The following CSNK1A1 variants were observed in gnomAD, a reference collection of about 807,000 sequenced individuals.
The protein encoded by CSNK1A1 is casein kinase I isoform alpha.
A neutral mutation model predicts 46.1 loss-of-function variants in CSNK1A1; 7 were observed. The ratio of observed to expected loss-of-function variants is 0.15; its 90% CI spans 0.09 to 0.29. The LOEUF is 0.29. Ranked by LOEUF, CSNK1A1 falls within the 10% of genes least tolerant of loss-of-function variation. CSNK1A1 has a pLI of 1.00. For synonymous variants in CSNK1A1, 137 were observed against 141.5 expected, an observed-to-expected ratio of 0.97 and a Z score of 0.23; for missense variants, 96 against 417.1, an observed-to-expected ratio of 0.23 and a Z score of 6.71.
intron 5 of CSNK1A1, among the ~76,000 whole-genome samples, chr5:149,512,819 T>C (rs1044140764): frequency 1.3e-5 from 2 of 152,198 alleles, no homozygotes; most frequent in African/African-American, 4.8e-5. Flanking sequence ...ATTGCACTTA[T>C]GCTTCTAACT....
intron 2 of CSNK1A1, chr5:149,549,184 G>A: frequency 2.7e-6 from 1 of 371,948 alleles, no homozygotes; most frequent in Non-Finnish European, 5.0e-6. Flanking sequence ...ACTTATCAAA[G>A]TGTGGCTAAG....
chr5:149,510,312 G>A (rs1469054301), intron 6 of CSNK1A1, among the ~76,000 whole-genome samples: 1 of 152,092 alleles, frequency 6.6e-6, no homozygotes, highest in Admixed American at 6.5e-5. Flanking sequence ...AGGCTGGAGT[G>A]CAGTAGCCAT....
chr5:149,540,368 G>T (rs1762190895), intron 2 of CSNK1A1, among the ~76,000 whole-genome samples: 1 of 151,930 alleles, frequency 6.6e-6, no homozygotes, highest in African/African-American at 2.4e-5. Context: ...CCCATTAAAG[G>T]GCCATAACAT....
chr5:149,546,330 C>A (rs1357794383), intron 2 of CSNK1A1, among the ~76,000 whole-genome samples: 1 of 151,732 alleles, frequency 6.6e-6, no homozygotes, highest in Non-Finnish European at 1.5e-5. Flanking sequence ...TAAGATATAC[C>A]AAAGTATCTT....
chr5:149,541,683 C>T (rs763162410), intron 2 of CSNK1A1, among the ~76,000 whole-genome samples: 42 of 151,816 alleles, frequency 2.8e-4, no homozygotes, highest in Non-Finnish European at 5.6e-4. Context: ...TACTTTAAAA[C>T]AAAATGATCT....
At chr5:149,545,556 G>A (rs1762451932) in intron 2 of CSNK1A1, 2 of 690,436 alleles carry the variant, frequency 2.9e-6, no homozygotes, top group South Asian at 1.5e-5. Context: ...GGACAATGTA[G>A]GCAAGTCAAT....
chr5:149,528,198 AT>A (rs760674914), intron 2 of CSNK1A1, among the ~76,000 whole-genome samples: 10 of 152,296 alleles, frequency 6.6e-5, no homozygotes, highest in Non-Finnish European at 1.5e-4. Context: ...CCTTGCTTAA[AT>A]TTATGAACAC....
intron 2 of CSNK1A1, chr5:149,549,318 T>C (rs1054011565): frequency 1.7e-6 from 1 of 599,922 alleles, no homozygotes; most frequent in Non-Finnish European, 3.1e-6. Flanking sequence ...AATATGACCA[T>C]TCACGAAAAG....
At position 149,496,878 on chromosome 5, in the gene CSNK1A1, CA is replaced by C. The variant is rs756936113; in HGVS notation, c.1007-19del. On this transcript the variant is annotated intron_variant, in intron 9 of 9. Coordinates refer to ENST00000377843, the MANE Select transcript of CSNK1A1 (RefSeq NM_001892.6). Reference sequence around the variant, plus strand: ...TTAGAAACCTGGTAAAAAATCAAAACAAAAAAAAAGTTAAAATTCCAAGTCA... The same window carrying C: ...TTAGAAACCTGGTAAAAAATCAAAACAAAAAAAAGTTAAAATTCCAAGTCA... 1.9e-4 allele frequency: 297 copies of C among 1,524,864 alleles called. No individual in the cohort carries two copies. The highest frequency in any genetic ancestry group is 4.5e-4 in the Admixed American group (21 of 46,678). 94.5% of individuals were successfully genotyped at this position (1,524,864 alleles called of 1,614,324 possible).
Position 149,496,579 on chromosome 5 carries a change from GTTAAC to G in CSNK1A1, c.*269_*273del. 2.4e-6 allele frequency: 1 copy of G among 418,182 alleles called. No homozygotes were observed. Among genetic ancestry groups the G allele is most frequent in the South Asian group, 7.1e-5 (1 of 14,116 alleles). 25.9% of individuals were successfully genotyped at this position (418,182 alleles called of 1,614,324 possible). On this transcript the variant is annotated 3_prime_UTR_variant, in exon 10 of 10. Coordinates refer to ENST00000377843, the MANE Select transcript of CSNK1A1 (RefSeq NM_001892.6). ...CCAATTTTTGTGTGTCAACCATTTA[GTTAAC>G]TTTTCCACTTGAAAAAATGCAATAG...
chr5:149,517,589 A>G lies in CSNK1A1; in HGVS notation c.456+2701T>C, dbSNP rs368251857. Among the ~76,000 whole-genome samples, 82 of 152,352 alleles carry G rather than the reference A, an allele frequency of 5.4e-4. 1 individual carries two copies. The highest frequency in any genetic ancestry group is 1.8e-3 in the African/African-American group (73 of 41,582). ...TTCATTTAGCTTTTTTCTAAACTTT[A>G]TAAGTTTTAAGCAAAAGCCACAAAG... On this transcript the variant is annotated intron_variant, in intron 4 of 9. Coordinates refer to ENST00000377843, the MANE Select transcript of CSNK1A1 (RefSeq NM_001892.6). The surrounding 1 kb of genome is among the most constrained non-coding windows in gnomAD (Gnocchi z 4.4).
intron 6 of CSNK1A1, among the ~76,000 whole-genome samples, chr5:149,511,064 A>G (rs956454518): frequency 5.3e-5 from 8 of 152,156 alleles, no homozygotes; most frequent in African/African-American, 1.9e-4. Flanking sequence ...GGTGACTCAC[A>G]CCTGTAATCC....
At chr5:149,496,903 C>T (rs1479473470) in intron 9 of CSNK1A1, 43 bp from the exon 10 acceptor site, 1 of 1,528,702 alleles carries the variant, frequency 6.5e-7, no homozygotes. Flanking sequence ...AATTCCAAGT[C>T]AAAAATTTTA....
intron 9 of CSNK1A1, 186 bp from the exon 10 acceptor site, chr5:149,497,046 AT>A: frequency 2.1e-6 from 3 of 1,413,816 alleles, no homozygotes; most frequent in East Asian, 2.6e-5. Context: ...CTTAAAACTA[AT>A]TTTTTCTGTT....
At chr5:149,506,338 G>A (rs944868100) in intron 8 of CSNK1A1, among the ~76,000 whole-genome samples, 1 of 152,120 alleles carries the variant, frequency 6.6e-6, no homozygotes, top group African/African-American at 2.4e-5. Context: ...CCAGGTTCAA[G>A]AGATTCTCCT....
intron 2 of CSNK1A1, among the ~76,000 whole-genome samples, chr5:149,536,303 T>C (rs1054400057): frequency 5.3e-5 from 8 of 152,180 alleles, no homozygotes; most frequent in Non-Finnish European, 1.5e-5. Flanking sequence ...AGCACTTGTA[T>C]TACAGACAAT....
At chr5:149,519,897 T>C (rs1761515695) in intron 4 of CSNK1A1, among the ~76,000 whole-genome samples, 1 of 152,156 alleles carries the variant, frequency 6.6e-6, no homozygotes, top group African/African-American at 2.4e-5. Flanking sequence ...ACATATATTA[T>C]AAAAACCCAC....
intron 2 of CSNK1A1, among the ~76,000 whole-genome samples, chr5:149,539,468 TAA>T (rs5872133): frequency 3.0e-4 from 41 of 137,420 alleles, no homozygotes; most frequent in Non-Finnish European, 2.4e-4. Flanking sequence ...ACCCAACTCT[TAA>T]AAAAAAAAAA....
At chr5:149,520,734 ACT>A (rs1761541826) in intron 3 of CSNK1A1, among the ~76,000 whole-genome samples, 1 of 152,188 alleles carries the variant, frequency 6.6e-6, no homozygotes, top group African/African-American at 2.4e-5. Context: ...AACTTTCCAC[ACT>A]CAATCCTAGG....
Sources: gnomAD v4.1 joint callset for allele counts (sites outside exome capture counted in the v4.1 genomes callset) on GRCh38, gnomAD v4.1.1 for gene constraint, Gnocchi (gnomAD v3.1) non-coding constraint, MANE v1.5 for transcripts, NCBI Gene and HGNC (gene_info 2026-07-23, HGNC 2026-07-21) for gene names.